Variants in ADARB2 observed in about 807,000 individuals in gnomAD.
ADARB2 encodes adenosine deaminase RNA specific B2 (inactive).
ADARB2 carries 25 observed loss-of-function variants against 62.2 expected under a neutral mutation model. The observed-to-expected ratio is 0.40, with a 90% CI of 0.29 to 0.56. ADARB2 has a LOEUF of 0.56. Ranked by LOEUF, ADARB2 falls within the 20% of genes least tolerant of loss-of-function variation. The pLI is 0.43. For missense variants in ADARB2, 1,071 were observed against 1,077.4 expected, an observed-to-expected ratio of 0.99 and a Z score of 0.08; for synonymous variants, 572 against 500.8, an observed-to-expected ratio of 1.14 and a Z score of -1.90.
intron 1 of ADARB2, among the ~76,000 whole-genome samples, chr10:1,595,179 G>A (rs543894182): frequency 3.3e-5 from 5 of 152,274 alleles, no homozygotes; most frequent in African/African-American, 1.2e-4. Context: ...CTTTGAGCTG[G>A]CTTTTGGAAA....
rs527884675 is a variant in ADARB2 at position 1,457,831 on chromosome 10, C to T, written c.101-78671G>A. On this transcript the variant is annotated intron_variant, in intron 1 of 9. Transcript: ENST00000381312. The stretch of plus-strand genomic sequence containing the variant: ...ACCCTGACAATGTCAATGACCAGCT[C>T]GTCTTCATAGGTAGAGGGCAAAGAC... Among the ~76,000 whole-genome samples, 28 of 144,110 alleles carry T rather than the reference C, an allele frequency of 1.9e-4. No homozygotes were observed. In the South Asian group the frequency reaches 2.9e-3, roughly 15 times the overall value. The allele number at this position is 144,110 out of a possible 152,430, so 94.5% of individuals were successfully genotyped here. A position where few individuals can be genotyped will look rare whatever the true frequency, so the allele number is the denominator to read the frequency against.
chr10:1,495,523 G>A (rs1831675838), intron 1 of ADARB2, among the ~76,000 whole-genome samples: 1 of 152,182 alleles, frequency 6.6e-6, no homozygotes, highest in South Asian at 2.1e-4. Context: ...TAGAATTCCA[G>A]CCCAATGCTA....
chr10:1,694,748 C>T (rs528628008), intron 1 of ADARB2, among the ~76,000 whole-genome samples: 105 of 152,176 alleles, frequency 6.9e-4, no homozygotes, highest in Non-Finnish European at 1.2e-3. Context: ...TTTTTCAGTC[C>T]GGGTTTTGGA....
At position 1,242,129 on chromosome 10, in the gene ADARB2, A is replaced by G; in HGVS notation, c.1361+2T>C. On this transcript the variant is annotated splice_donor_variant, in intron 5 of 9. Coordinates refer to ENST00000381312, the MANE Select transcript of ADARB2 (RefSeq NM_018702.4). LOFTEE classifies it high-confidence loss of function. ...CCCTGGAGCCCGTCCCCAGCCGCTC[A>G]CCTCAGGTGCAGCTCCAGCTGCGTG... The G allele has an allele frequency of 6.3e-7, 1 of 1,598,334 alleles. No individual in the cohort carries two copies. The highest frequency in any genetic ancestry group is 8.5e-7 in the Non-Finnish European group (1 of 1,173,184).
At chr10:1,205,126 C>T (rs897620556) in intron 7 of ADARB2, among the ~76,000 whole-genome samples, 1 of 152,198 alleles carries the variant, frequency 6.6e-6, no homozygotes, top group African/African-American at 2.4e-5. Context: ...GGATCCAGGG[C>T]CTCCAACCGC....
At chr10:1,439,167 C>A (rs374916230) in intron 1 of ADARB2, among the ~76,000 whole-genome samples, 1 of 135,448 alleles carries the variant, frequency 7.4e-6, no homozygotes, top group Non-Finnish European at 1.6e-5. Context: ...CACGATGGGG[C>A]TCCTGAGTCT....
chr10:1,675,009 TG>T (rs1243658981), intron 1 of ADARB2: 1 of 971,978 alleles, frequency 1.0e-6, no homozygotes, highest in Non-Finnish European at 1.2e-6. Context: ...TCTGGAGGTT[TG>T]GGTTTGGGGG....
At chr10:1,187,605 C>A (rs1239526032) in intron 8 of ADARB2, among the ~76,000 whole-genome samples, 1 of 152,256 alleles carries the variant, frequency 6.6e-6, no homozygotes, top group African/African-American at 2.4e-5. Flanking sequence ...ACGTTGTGGG[C>A]AAGTTGCTGC....
intron 1 of ADARB2, among the ~76,000 whole-genome samples, chr10:1,540,176 G>C (rs781647936): frequency 1.1e-4 from 16 of 151,998 alleles, no homozygotes; most frequent in Non-Finnish European, 2.2e-4. Flanking sequence ...ATTTGCAGTT[G>C]CTCGTTCTTG....
At chr10:1,464,820 G>T (rs1483201010) in intron 1 of ADARB2, among the ~76,000 whole-genome samples, 2 of 148,630 alleles carry the variant, frequency 1.3e-5, no homozygotes, top group African/African-American at 5.0e-5. Context: ...CGCACTGGGG[G>T]CAGTCACAGC....
At chr10:1,561,595 T>C (rs1832786668) in intron 1 of ADARB2, among the ~76,000 whole-genome samples, 1 of 152,170 alleles carries the variant, frequency 6.6e-6, no homozygotes, top group Admixed American at 6.5e-5. Flanking sequence ...AATCCCAGAT[T>C]TGGGGGAGTT....
chr10:1,260,150 CTGAAAAT>C (rs1453567640), intron 4 of ADARB2, among the ~76,000 whole-genome samples: 1 of 152,134 alleles, frequency 6.6e-6, no homozygotes, highest in East Asian at 1.9e-4. Flanking sequence ...TGGGACGTAT[CTGAAAAT>C]AATAAGAGCT....
chr10:1,515,177 C>T (rs144976977), intron 1 of ADARB2, among the ~76,000 whole-genome samples: 58 of 152,304 alleles, frequency 3.8e-4, no homozygotes, highest in African/African-American at 1.3e-3. Context: ...ATGGAATAGC[C>T]AGGAAGCAGA....
chr10:1,551,017 C>T (rs1345330733), intron 1 of ADARB2, among the ~76,000 whole-genome samples: 5 of 152,150 alleles, frequency 3.3e-5, no homozygotes, highest in Non-Finnish European at 7.3e-5. Context: ...CCCTGACTCC[C>T]AGGACCTCAG....
chr10:1,339,911 C>A (rs1832007235), intron 3 of ADARB2, among the ~76,000 whole-genome samples: 1 of 152,182 alleles, frequency 6.6e-6, no homozygotes, highest in Admixed American at 6.5e-5. Flanking sequence ...CAGCAGCACT[C>A]CTGCATTCTG....
chr10:1,293,269 AAG>A (rs1831492991), intron 3 of ADARB2, among the ~76,000 whole-genome samples: 2 of 112,564 alleles, frequency 1.8e-5, no homozygotes, highest in African/African-American at 7.1e-5. Context: ...AGAGGGAGGG[AAG>A]GAGGGAGGGA....
In ADARB2 at chr10:1,730,234, A is replaced by G. The variant is rs531959589; in HGVS notation, c.100+6817T>C. Among the ~76,000 whole-genome samples the G allele has an allele frequency of 4.6e-5, 7 of 152,292 alleles. No individual in the cohort carries two copies. The South Asian group carries it at 1.5e-3, about 32-fold the overall frequency. ...AGTGATCTGTTGCTGGCACCGTTAA[A>G]AAGACGTGCAGTGATGAACGTGGCC... On this transcript the variant is annotated intron_variant, in intron 1 of 9. Transcript: ENST00000381312.
At chr10:1,238,521 G>C (rs1225143763) in intron 5 of ADARB2, among the ~76,000 whole-genome samples, 15 of 444 alleles carry the variant, frequency 0.034, 1 homozygote, top group Admixed American at 0.062. Context: ...ACTCCCCTCT[G>C]CCTCCCGGTG....
intron 1 of ADARB2, among the ~76,000 whole-genome samples, chr10:1,576,445 C>T (rs1322240955): frequency 6.6e-6 from 1 of 152,140 alleles, no homozygotes; most frequent in East Asian, 1.9e-4. Flanking sequence ...TGCAGGAGGG[C>T]TCTCCCTGCT....
Sources: allele counts gnomAD v4.1 joint callset (sites outside exome capture counted in the v4.1 genomes callset), GRCh38; gene constraint gnomAD v4.1.1; transcripts MANE v1.5; gene names NCBI Gene and HGNC (gene_info 2026-07-23, HGNC 2026-07-21).